The following SENP7 variants were observed in gnomAD, a reference collection of about 807,000 sequenced individuals.
The protein encoded by SENP7 is sentrin-specific protease 7.
In SENP7, 64 loss-of-function variants were observed where a neutral mutation model predicts 141.2. The observed-to-expected ratio is 0.45, with a 90% CI of 0.37 to 0.56. The LOEUF is 0.56. SENP7 is among the 20% of genes least tolerant of loss of function. The pLI, the probability that SENP7 is intolerant of heterozygous loss-of-function variation, is 0.00. For missense variants in SENP7, 1,025 were observed against 1,212.2 expected (o/e 0.85, Z 2.29); for synonymous variants, 382 against 426.4 (o/e 0.90, Z 1.28).
At chr3:101,450,525 A>C (rs2063088657) in intron 4 of SENP7, among the ~76,000 whole-genome samples, 1 of 152,230 alleles carries the variant, frequency 6.6e-6, no homozygotes, top group Non-Finnish European at 1.5e-5. Flanking sequence ...CTCAGACCAC[A>C]GTGCAATTAA....
chr3:101,473,194 T>C (rs1223324521), intron 3 of SENP7, among the ~76,000 whole-genome samples: 1 of 152,234 alleles, frequency 6.6e-6, no homozygotes, highest in East Asian at 1.9e-4. Flanking sequence ...GCAATAAACA[T>C]ATGTGTGCAT....
intron 3 of SENP7, among the ~76,000 whole-genome samples, chr3:101,470,838 G>C (rs1290628127): frequency 2.0e-5 from 3 of 152,106 alleles, no homozygotes; most frequent in African/African-American, 7.2e-5. Flanking sequence ...AAAATCACAA[G>C]CATTCTTATA....
At chr3:101,478,150 C>A (rs553046362) in intron 3 of SENP7, among the ~76,000 whole-genome samples, 1 of 152,186 alleles carries the variant, frequency 6.6e-6, no homozygotes, top group East Asian at 1.9e-4. Context: ...AGATAAATTT[C>A]TGGACACATA....
chr3:101,358,318 A>T, intron 11 of SENP7: 1 of 900,932 alleles, frequency 1.1e-6, no homozygotes, highest in Non-Finnish European at 1.7e-6. Context: ...AACATAAAAT[A>T]ATTCATATTG....
chr3:101,345,089 C>G (rs924814580), intron 13 of SENP7, among the ~76,000 whole-genome samples: 3 of 149,150 alleles, frequency 2.0e-5, no homozygotes, highest in Non-Finnish European at 4.4e-5. Context: ...TATTTTTATA[C>G]CAGTACCATA....
chr3:101,434,483 A>G (rs1039731678), intron 4 of SENP7, among the ~76,000 whole-genome samples: 1 of 152,044 alleles, frequency 6.6e-6, no homozygotes, highest in African/African-American at 2.4e-5. Context: ...ATGAAACAAA[A>G]AGTTGGTTTT....
At chr3:101,382,951 G>C (rs1397927076) in intron 6 of SENP7, among the ~76,000 whole-genome samples, 1 of 152,148 alleles carries the variant, frequency 6.6e-6, no homozygotes, top group Non-Finnish European at 1.5e-5. Flanking sequence ...CCTTTAATGA[G>C]AGTTTTTAAA....
intron 17 of SENP7, 152 bp downstream of exon 17, chr3:101,337,357 G>T: frequency 2.2e-6 from 1 of 457,718 alleles, no homozygotes; most frequent in Non-Finnish European, 3.9e-6. Context: ...GTGGAAGGAT[G>T]AGAAATGGCT....
chr3:101,328,806 T>C, intron 20 of SENP7, 117 bp from the exon 21 acceptor site: 1 of 740,766 alleles, frequency 1.3e-6, no homozygotes, highest in Non-Finnish European at 2.3e-6. Context: ...AATAGTTATC[T>C]TCATCATCAA....
intron 4 of SENP7, among the ~76,000 whole-genome samples, chr3:101,442,448 A>G (rs1371647087): frequency 6.6e-6 from 1 of 152,118 alleles, no homozygotes; most frequent in Non-Finnish European, 1.5e-5. Flanking sequence ...CTCCTGTGAG[A>G]ATCTAATGCT....
At chr3:101,411,768 T>G (rs1041634868) in intron 5 of SENP7, among the ~76,000 whole-genome samples, 3 of 152,208 alleles carry the variant, frequency 2.0e-5, no homozygotes, top group Non-Finnish European at 2.9e-5. Flanking sequence ...TTTACCCAAT[T>G]TTTTCCTAAG....
chr3:101,498,959 A>G (rs1213830367), intron 2 of SENP7, among the ~76,000 whole-genome samples: 1 of 152,190 alleles, frequency 6.6e-6, no homozygotes, highest in Non-Finnish European at 1.5e-5. Flanking sequence ...ACTGTCTTCC[A>G]CGATACTGGT....
At chr3:101,328,729 T>C in intron 20 of SENP7, 40 bp from the exon 21 acceptor site, 1 of 1,457,872 alleles carries the variant, frequency 6.9e-7, no homozygotes, top group South Asian at 1.2e-5. Context: ...ATTAAAGCTA[T>C]TTTGAATAAT....
chr3:101,485,708 A>G (rs1464230418), intron 3 of SENP7, among the ~76,000 whole-genome samples: 1 of 151,908 alleles, frequency 6.6e-6, no homozygotes, highest in East Asian at 1.9e-4. Flanking sequence ...CTCTTCAACA[A>G]CCCCCCACCA....
chr3:101,390,633 G>A (rs901424967), intron 6 of SENP7, among the ~76,000 whole-genome samples: 10 of 152,140 alleles, frequency 6.6e-5, no homozygotes, highest in African/African-American at 2.4e-4. Context: ...AGAAGAGACA[G>A]ACTCCAATAC....
intron 15 of SENP7, among the ~76,000 whole-genome samples, chr3:101,340,704 T>C (rs572791996): frequency 6.0e-4 from 92 of 152,112 alleles, no homozygotes; most frequent in Non-Finnish European, 1.1e-3. Flanking sequence ...AAAAAAGAAA[T>C]AACATGGGAG....
chr3:101,454,324 C>T lies in SENP7; in HGVS notation c.284+4631G>A, dbSNP rs767785515. ...CTCAGGAGTTCAAGACCAGCCTGGG[C>T]AACATAACAAAACCTCAAATATACA... On this transcript the variant is annotated intron_variant, in intron 4 of 23. Coordinates refer to ENST00000394095, the MANE Select transcript of SENP7 (RefSeq NM_020654.5). Among the ~76,000 whole-genome samples the T allele has an allele frequency of 4.8e-4, 73 of 152,068 alleles. 2 individuals carry two copies. The highest frequency in any genetic ancestry group is 1.3e-4 in the Non-Finnish European group (9 of 68,014).
rs1182630826 is a variant in SENP7 at position 101,469,620 on chromosome 3, C to T, written c.187-10568G>A. ...CGGGTGGATCATGAGGTCAGGAGAT[C>T]GAGACCATCCTGGCTAACAAGGTGA... On this transcript the variant is annotated intron_variant, in intron 3 of 23. Coordinates refer to ENST00000394095, the MANE Select transcript of SENP7 (RefSeq NM_020654.5). 6.1e-5 allele frequency among the ~76,000 whole-genome samples: 7 copies of T among 114,026 alleles called. 2 individuals carry two copies. Among genetic ancestry groups the T allele is most frequent in the Non-Finnish European group, 1.3e-4 (7 of 53,144 alleles). The allele number at this position is 114,026 out of a possible 152,430, so 74.8% of individuals were successfully genotyped here.
chr3:101,435,522 T>C (rs1013118307), intron 4 of SENP7, among the ~76,000 whole-genome samples: 41 of 152,084 alleles, frequency 2.7e-4, no homozygotes, highest in Non-Finnish European at 5.3e-4. Context: ...CATGATCCAA[T>C]GTTTGGAAAA....
Sources: gnomAD v4.1 joint callset for allele counts (sites outside exome capture counted in the v4.1 genomes callset) on GRCh38, gnomAD v4.1.1 for gene constraint, MANE v1.5 for transcripts, NCBI Gene and HGNC (gene_info 2026-07-23, HGNC 2026-07-21) for gene names.